IL1RAPL1: variants seen among roughly 807,000 people sequenced by gnomAD.
IL1RAPL1 encodes the protein interleukin 1 receptor accessory protein like 1.
Under a neutral mutation model 48.4 loss-of-function variants are expected in IL1RAPL1, and 3 were observed. That is an observed-to-expected ratio of 0.06 (90% CI 0.03 to 0.16). IL1RAPL1 has a LOEUF of 0.16. Ranked by LOEUF, IL1RAPL1 falls within the 10% of genes least tolerant of loss-of-function variation. The pLI, the probability that IL1RAPL1 is intolerant of heterozygous loss-of-function variation, is 1.00. For synonymous variants in IL1RAPL1, 185 were observed against 187.7 expected (o/e 0.99, Z 0.12); for missense variants, 349 against 530.6 (o/e 0.66, Z 3.36).
intron 5 of IL1RAPL1, among the ~76,000 whole-genome samples, chrX:29,504,498 A>G (rs1013331462): frequency 8.9e-5 from 10 of 111,771 alleles, no homozygotes; most frequent in African/African-American, 3.3e-4. Context: ...TGTTTGTTTT[A>G]TATACTTGGG....
At chrX:29,589,220 T>C (rs1434805367) in intron 5 of IL1RAPL1, among the ~76,000 whole-genome samples, 3 of 112,015 alleles carry the variant, frequency 2.7e-5, no homozygotes, top group Non-Finnish European at 5.6e-5. Context: ...TTTTACCTTT[T>C]TAACTCATTT....
At chrX:28,784,811 A>G (rs753646009) in intron 1 of IL1RAPL1, among the ~76,000 whole-genome samples, 8 of 111,122 alleles carry the variant, frequency 7.2e-5, no homozygotes, top group African/African-American at 2.6e-4. Context: ...TTCTACCTAT[A>G]AAAGGAGTCT....
At chrX:29,163,726 C>T (rs1389567938) in intron 2 of IL1RAPL1, among the ~76,000 whole-genome samples, 3 of 110,770 alleles carry the variant, frequency 2.7e-5, no homozygotes, top group African/African-American at 9.9e-5. Flanking sequence ...AAAACGAAGA[C>T]TAGAGAAACT....
chrX:29,534,652 T>C (rs1921152484), intron 5 of IL1RAPL1, among the ~76,000 whole-genome samples: 1 of 109,465 alleles, frequency 9.1e-6, no homozygotes, highest in Non-Finnish European at 1.9e-5. Flanking sequence ...CTGGGCAACA[T>C]GGCAAAACCT....
At chrX:28,730,488 A>G (rs1213886645) in intron 1 of IL1RAPL1, among the ~76,000 whole-genome samples, 1 of 111,974 alleles carries the variant, frequency 8.9e-6, no homozygotes, top group Non-Finnish European at 1.9e-5. Flanking sequence ...TAGAATGAAC[A>G]TATTTATTCA....
At chrX:28,829,855 G>A (rs775541915) in intron 2 of IL1RAPL1, among the ~76,000 whole-genome samples, 3 of 110,840 alleles carry the variant, frequency 2.7e-5, no homozygotes, top group East Asian at 5.7e-4. Flanking sequence ...ACCGTGCCCG[G>A]CCTGGAATTT....
At chrX:29,618,446 G>A (rs1924358410) in intron 5 of IL1RAPL1, among the ~76,000 whole-genome samples, 2 of 112,207 alleles carry the variant, frequency 1.8e-5, no homozygotes, top group Non-Finnish European at 3.8e-5. Context: ...ATGTCTGGAA[G>A]TCAGCAGTCC....
At chrX:29,292,507 A>G (rs1426728884) in intron 3 of IL1RAPL1, among the ~76,000 whole-genome samples, 1 of 112,260 alleles carries the variant, frequency 8.9e-6, no homozygotes, top group Non-Finnish European at 1.9e-5. Flanking sequence ...AATATTTATG[A>G]ATTTTTATGT....
intron 3 of IL1RAPL1, among the ~76,000 whole-genome samples, chrX:29,295,935 T>C (rs1932442942): frequency 8.9e-6 from 1 of 111,918 alleles, no homozygotes; most frequent in Non-Finnish European, 1.9e-5. Flanking sequence ...TATGTAGTTT[T>C]TGTTAGTAAA....
rs1050040777 is a variant in IL1RAPL1 at position 29,592,733 on chromosome X, C to T, written c.704-75697C>T. ...ACTTTTGTCATCGTTTTCAGCTTCACCCCAACTGCCAGCATGATTCTGAGA... is the reference window on the plus strand; with the variant it reads ...ACTTTTGTCATCGTTTTCAGCTTCATCCCAACTGCCAGCATGATTCTGAGA... On this transcript the variant is annotated intron_variant, in intron 5 of 10. Transcript: ENST00000378993. 4.1e-4 allele frequency among the ~76,000 whole-genome samples: 45 copies of T among 110,087 alleles called. 1 individual carries two copies. Among genetic ancestry groups the T allele is most frequent in the Non-Finnish European group, 7.8e-4 (41 of 52,802 alleles).
At position 29,634,606 on chromosome X, in the gene IL1RAPL1, C is replaced by T. The variant is rs144043534; in HGVS notation, c.704-33824C>T. Reference sequence around the variant, plus strand: ...AAACACTCCAACCCAAGAGAAAAGACCTGCCTTTGGTGTGGGTGTGGTGAT... The same window carrying T: ...AAACACTCCAACCCAAGAGAAAAGATCTGCCTTTGGTGTGGGTGTGGTGAT... On this transcript the variant is annotated intron_variant, in intron 5 of 10. Coordinates refer to ENST00000378993, the MANE Select transcript of IL1RAPL1 (RefSeq NM_014271.4). Among the ~76,000 whole-genome samples the T allele has an allele frequency of 2.3e-3, 262 of 111,500 alleles. 1 individual carries two copies. The highest frequency in any genetic ancestry group is 8.1e-3 in the African/African-American group (249 of 30,684).
chrX:29,835,185 T>C (rs1427180082), intron 6 of IL1RAPL1, among the ~76,000 whole-genome samples: 1 of 111,887 alleles, frequency 8.9e-6, no homozygotes, highest in Non-Finnish European at 1.9e-5. Flanking sequence ...CCCCAAATTC[T>C]AAATATTACT....
intron 2 of IL1RAPL1, among the ~76,000 whole-genome samples, chrX:29,165,180 G>T (rs190143715): frequency 3.9e-4 from 44 of 111,673 alleles, no homozygotes; most frequent in African/African-American, 1.4e-3. Context: ...TTAGCTGGGC[G>T]TGGTGGTGGG....
intron 9 of IL1RAPL1, among the ~76,000 whole-genome samples, chrX:29,946,030 T>C (rs1289816533): frequency 9.0e-6 from 1 of 111,170 alleles, no homozygotes; most frequent in East Asian, 2.8e-4. Context: ...TTCTATCTCA[T>C]TGGCCACACT....
chrX:29,844,372 T>G (rs1039105138), intron 6 of IL1RAPL1, among the ~76,000 whole-genome samples: 5 of 111,540 alleles, frequency 4.5e-5, no homozygotes, highest in South Asian at 3.8e-4. Flanking sequence ...AGGGGTGCCA[T>G]TTTATCACTA....
At chrX:29,333,692 G>T (rs1226692373) in intron 3 of IL1RAPL1, among the ~76,000 whole-genome samples, 1 of 81,127 alleles carries the variant, frequency 1.2e-5, no homozygotes, top group Non-Finnish European at 2.4e-5. Flanking sequence ...GGACTGGGTG[G>T]CTGGCCGGGC....
chrX:29,265,421 T>C (rs1931935674), intron 2 of IL1RAPL1, among the ~76,000 whole-genome samples: 1 of 110,479 alleles, frequency 9.1e-6, no homozygotes, highest in African/African-American at 3.3e-5. Flanking sequence ...TATCTGTTAA[T>C]GTTCAGAAAA....
chrX:29,283,379 G>A (rs1932232605), intron 3 of IL1RAPL1, among the ~76,000 whole-genome samples, 162 bp downstream of exon 3: 1 of 112,127 alleles, frequency 8.9e-6, no homozygotes, highest in African/African-American at 3.2e-5. Context: ...AGATGGGATT[G>A]GAATTTATAT....
rs775953322 is a variant in IL1RAPL1 at position 28,674,698 on chromosome X, G to T, written c.-25+86651G>T. On this transcript the variant is annotated intron_variant, in intron 1 of 10. Transcript: ENST00000378993. ...AGAGAAACTACCTGAGAATTTTTACGTTTTTTCTTGAGTCAAAGTAGACTT... is the reference window on the plus strand; with the variant it reads ...AGAGAAACTACCTGAGAATTTTTACTTTTTTTCTTGAGTCAAAGTAGACTT... Among the ~76,000 whole-genome samples the T allele has an allele frequency of 7.2e-5, 8 of 111,383 alleles. No homozygotes were observed. In the South Asian group the frequency reaches 1.1e-3, roughly 16 times the overall value.
Sources: gnomAD v4.1 joint callset for allele counts (sites outside exome capture counted in the v4.1 genomes callset) on GRCh38, gnomAD v4.1.1 for gene constraint, MANE v1.5 for transcripts, NCBI Gene and HGNC (gene_info 2026-07-23, HGNC 2026-07-21) for gene names.